The following DNAJC1 variants were observed in gnomAD, a reference collection of about 807,000 sequenced individuals.
DNAJC1 encodes the protein dnaJ homolog subfamily C member 1.
A neutral mutation model predicts 76.6 loss-of-function variants in DNAJC1; 58 were observed. The observed-to-expected ratio is 0.76, with a 90% CI of 0.61 to 0.94. The LOEUF (loss-of-function observed/expected upper bound fraction) is 0.94. Among genes scored for constraint, DNAJC1 ranks in the 40% least tolerant of loss-of-function variants. The pLI is 0.00. For synonymous variants in DNAJC1, 258 were observed against 267.9 expected (o/e 0.96, Z 0.36); for missense variants, 689 against 677.3 (o/e 1.02, Z -0.19).
intron 9 of DNAJC1, among the ~76,000 whole-genome samples, chr10:21,805,358 A>C (rs931634298): frequency 6.6e-6 from 1 of 152,014 alleles, no homozygotes; most frequent in Non-Finnish European, 1.5e-5. Flanking sequence ...TTTCTGCTCT[A>C]AATTTCCTCA....
intron 8 of DNAJC1, among the ~76,000 whole-genome samples, chr10:21,839,951 G>A (rs1283489176): frequency 3.3e-5 from 5 of 152,024 alleles, no homozygotes; most frequent in African/African-American, 4.8e-5. Context: ...TTCAACATAC[G>A]CAAATCAATA....
chr10:21,778,760 G>A (rs868224342), intron 9 of DNAJC1, among the ~76,000 whole-genome samples: 2 of 152,186 alleles, frequency 1.3e-5, no homozygotes, highest in African/African-American at 4.8e-5. Flanking sequence ...AGGACAGTGG[G>A]TGCAGCCCAC....
chr10:21,899,332 C>T (rs1036007535), intron 7 of DNAJC1, among the ~76,000 whole-genome samples: 3 of 152,218 alleles, frequency 2.0e-5, no homozygotes, highest in African/African-American at 7.2e-5. Context: ...TCCAGGGAGA[C>T]AAGCAGCATC....
At chr10:21,887,213 CA>C (rs773727587) in intron 7 of DNAJC1, among the ~76,000 whole-genome samples, 1 of 151,894 alleles carries the variant, frequency 6.6e-6, no homozygotes, top group Non-Finnish European at 1.5e-5. Flanking sequence ...ACGAGAATTA[CA>C]AAACTCAAAT....
chr10:21,939,038 G>A (rs1373272348), intron 1 of DNAJC1, among the ~76,000 whole-genome samples: 2 of 152,062 alleles, frequency 1.3e-5, no homozygotes, highest in Non-Finnish European at 2.9e-5. Context: ...CCACAGGCAC[G>A]TGCCACCACG....
intron 9 of DNAJC1, among the ~76,000 whole-genome samples, chr10:21,792,631 C>T (rs983373840): frequency 1.3e-5 from 2 of 151,698 alleles, no homozygotes; most frequent in Admixed American, 6.6e-5. Flanking sequence ...TAGTGGCAGG[C>T]GCCTGGAATC....
intron 8 of DNAJC1, among the ~76,000 whole-genome samples, chr10:21,881,048 T>C (rs1050405446): frequency 5.9e-5 from 9 of 152,246 alleles, no homozygotes; most frequent in Admixed American, 5.9e-4. Flanking sequence ...TGTACTTTTA[T>C]GTTATGGAGA....
chr10:21,853,752 C>T (rs147384282), intron 8 of DNAJC1, among the ~76,000 whole-genome samples: 123 of 130,058 alleles, frequency 9.5e-4, no homozygotes, highest in African/African-American at 3.5e-3. Flanking sequence ...CGAGATTGCA[C>T]ACTCCAGCCT....
intron 9 of DNAJC1, among the ~76,000 whole-genome samples, chr10:21,787,768 T>G (rs1001537649): frequency 3.3e-5 from 5 of 152,148 alleles, no homozygotes. Context: ...CTTAGACACC[T>G]ACAGGCCTCA....
Position 21,883,249 on chromosome 10 carries a change from CAAA to C in DNAJC1, c.821-813_821-811del, listed in dbSNP as rs1436665475. On this transcript the variant is annotated intron_variant, in intron 7 of 11. Transcript: ENST00000376980. ...TGGGTGACAGAGTGAGATTCTATCT[CAAA>C]CACACACACACACACACACACACAC... Among the ~76,000 whole-genome samples, 476 of 121,766 alleles carry C rather than the reference CAAA, an allele frequency of 3.9e-3. 4 individuals carry two copies. The highest frequency in any genetic ancestry group is 0.015 in the African/African-American group (447 of 29,364). 79.9% of individuals were successfully genotyped at this position (121,766 alleles called of 152,430 possible).
intron 1 of DNAJC1, among the ~76,000 whole-genome samples, chr10:21,934,555 A>G (rs1837281295): frequency 6.6e-6 from 1 of 152,166 alleles, no homozygotes; most frequent in Non-Finnish European, 1.5e-5. Flanking sequence ...AATACCCTAT[A>G]CAAGTACATT....
chr10:21,790,622 C>G (rs1285978391), intron 9 of DNAJC1, among the ~76,000 whole-genome samples: 1 of 151,852 alleles, frequency 6.6e-6, no homozygotes, highest in African/African-American at 2.4e-5. Flanking sequence ...ATCACCACTA[C>G]ATTGGCCTTA....
At chr10:21,781,592 G>T (rs931300815) in intron 9 of DNAJC1, among the ~76,000 whole-genome samples, 6 of 151,746 alleles carry the variant, frequency 4.0e-5, no homozygotes, top group Non-Finnish European at 5.9e-5. Flanking sequence ...GTGGTGGTGG[G>T]TGCCTGTAGT....
At chr10:21,919,972 G>A in intron 4 of DNAJC1, 43 bp from the exon 5 acceptor site, 8 of 1,259,564 alleles carry the variant, frequency 6.4e-6, no homozygotes, top group South Asian at 1.3e-5. Flanking sequence ...TCATTAACAT[G>A]TACACTTCAA....
intron 7 of DNAJC1, among the ~76,000 whole-genome samples, chr10:21,892,707 T>C (rs1366972364): frequency 1.3e-5 from 2 of 151,798 alleles, no homozygotes; most frequent in Non-Finnish European, 2.9e-5. Flanking sequence ...CATACAAACA[T>C]TAATCAAAAG....
chr10:21,964,714 T>G (rs979302214), intron 1 of DNAJC1, among the ~76,000 whole-genome samples: 21 of 151,926 alleles, frequency 1.4e-4, no homozygotes, highest in Non-Finnish European at 2.6e-4. Flanking sequence ...GTTGGTTTTT[T>G]TTTTTTTTTA....
At chr10:21,965,198 A>AT (rs774163261) in intron 1 of DNAJC1, among the ~76,000 whole-genome samples, 5 of 152,004 alleles carry the variant, frequency 3.3e-5, no homozygotes, top group Admixed American at 6.6e-5. Context: ...ATTCAAGATA[A>AT]TTTTTTCTGT....
At chr10:21,781,718 CAAAAAA>C (rs1298897674) in intron 9 of DNAJC1, among the ~76,000 whole-genome samples, 1 of 87,334 alleles carries the variant, frequency 1.1e-5, no homozygotes, top group Non-Finnish European at 2.1e-5. Context: ...GCGACTGTCT[CAAAAAA>C]AAAAAAAAAA....
At chr10:21,992,069 G>A (rs1838333076) in intron 1 of DNAJC1, among the ~76,000 whole-genome samples, 1 of 152,226 alleles carries the variant, frequency 6.6e-6, no homozygotes, top group African/African-American at 2.4e-5. Flanking sequence ...CCAGCACTCT[G>A]GGAGGCCAAG....
Sources: allele counts gnomAD v4.1 joint callset (sites outside exome capture counted in the v4.1 genomes callset), GRCh38; gene constraint gnomAD v4.1.1; transcripts MANE v1.5; gene names NCBI Gene and HGNC (gene_info 2026-07-23, HGNC 2026-07-21).